Variants in INO80 observed in about 807,000 individuals in gnomAD.
The protein encoded by INO80 is INO80 complex ATPase subunit.
Under a neutral mutation model 203.4 loss-of-function variants are expected in INO80, and 20 were observed. The ratio of observed to expected loss-of-function variants is 0.10; its 90% CI spans 0.07 to 0.14. The LOEUF is 0.14. Ranked by LOEUF, INO80 falls within the 10% of genes least tolerant of loss-of-function variation. The pLI is 1.00. For missense variants in INO80, 1,419 were observed against 1,914.4 expected (o/e 0.74, Z 4.83); for synonymous variants, 726 against 685.2 (o/e 1.06, Z -0.93).
chr15:41,052,617 G>C (rs1343467104), intron 19 of INO80, among the ~76,000 whole-genome samples: 1 of 147,674 alleles, frequency 6.8e-6, no homozygotes, highest in Non-Finnish European at 1.5e-5. Context: ...AAGCTGAAGT[G>C]AGCCGTGATT....
intron 25 of INO80, among the ~76,000 whole-genome samples, chr15:41,023,781 A>C (rs1168373053): frequency 2.7e-5 from 4 of 148,452 alleles, no homozygotes; most frequent in African/African-American, 1.0e-4. Context: ...AAAAAAAAAA[A>C]AACAAAACAA....
chr15:41,106,580 A>G (rs1257286491), intron 1 of INO80, among the ~76,000 whole-genome samples: 24 of 151,860 alleles, frequency 1.6e-4, no homozygotes, highest in Non-Finnish European at 1.5e-4. Context: ...GGCTGCAGTG[A>G]GCATGCCATT....
chr15:41,087,515 C>G (rs2140644452), intron 6 of INO80, 47 bp downstream of exon 6: 1 of 1,603,552 alleles, frequency 6.2e-7, no homozygotes, highest in Non-Finnish European at 8.5e-7. Context: ...ACATGCAATT[C>G]TGAAACTAAG....
At chr15:41,079,613 G>T (rs903119048) in intron 9 of INO80, 88 bp downstream of exon 9, 2 of 1,170,616 alleles carry the variant, frequency 1.7e-6, no homozygotes, top group South Asian at 1.3e-5. Flanking sequence ...AGTGTCATTG[G>T]TTAGATGTAC....
chr15:40,982,275 T>A (rs754056196), intron 35 of INO80, among the ~76,000 whole-genome samples: 2 of 152,200 alleles, frequency 1.3e-5, no homozygotes, highest in Admixed American at 1.3e-4. Context: ...GCCTCCCAAG[T>A]AGCTGGGACT....
intron 25 of INO80, among the ~76,000 whole-genome samples, chr15:41,021,745 G>A (rs1017011157): frequency 1.3e-5 from 2 of 152,222 alleles, no homozygotes; most frequent in East Asian, 3.8e-4. Flanking sequence ...TTGCCAGAGA[G>A]TAGCAGATTT....
chr15:40,988,753 G>A (rs192886370), intron 29 of INO80, among the ~76,000 whole-genome samples: 23 of 152,284 alleles, frequency 1.5e-4, no homozygotes, highest in African/African-American at 1.9e-4. Context: ...GGTGGCTCAC[G>A]CCTGTAATCC....
intron 27 of INO80, chr15:41,012,965 G>C (rs1258387143): frequency 6.6e-6 from 1 of 152,134 alleles, no homozygotes; most frequent in Admixed American, 6.6e-5. Flanking sequence ...TCCAAAACTA[G>C]TATTTCTCAC....
At chr15:41,110,051 T>C (rs2140711584) in intron 1 of INO80, among the ~76,000 whole-genome samples, 1 of 149,988 alleles carries the variant, frequency 6.7e-6, no homozygotes, top group South Asian at 2.1e-4. Context: ...GCTGAGATCG[T>C]GCTACTGCAC....
intron 24 of INO80, among the ~76,000 whole-genome samples, chr15:41,033,777 C>T (rs930889410): frequency 1.3e-5 from 2 of 152,106 alleles, no homozygotes; most frequent in Admixed American, 6.5e-5. Context: ...TTAGGCCAGG[C>T]GCAGTGGCTC....
Position 41,058,775 on chromosome 15 carries a change from G to C in INO80, c.1849C>G (p.Leu617Val). 2 of 1,611,486 alleles carry C rather than the reference G, an allele frequency of 1.2e-6. No homozygotes were observed. The highest frequency in any genetic ancestry group is 1.7e-6 in the Non-Finnish European group (2 of 1,178,974). The change falls in exon 16 of 36, where the codon CTC becomes GTC. Residue 617 changes from leucine to valine, a missense_variant. This residue lies in a region of INO80 where 192 missense variants were observed against 406.7 expected (regional missense o/e 0.47). Transcript: ENST00000648947. ...TGGAAGGGGGCATCCTGAGTGTAGA[G>C]GGTCTTCTGTAAATATAAAAGGGGA... ...VIRRFWSQKT[L>V]YTQDAPFHVV...
intron 10 of INO80, 31 bp from the exon 11 acceptor site, chr15:41,073,526 T>C (rs1303760226): frequency 6.6e-7 from 1 of 1,526,098 alleles, no homozygotes; most frequent in Non-Finnish European, 9.1e-7. Flanking sequence ...ATTATCACAC[T>C]TTATCAACTG....
chr15:41,023,449 C>T (rs1234878946), intron 25 of INO80: 7 of 405,984 alleles, frequency 1.7e-5, no homozygotes, highest in Non-Finnish European at 3.4e-5. Context: ...CATGCATACT[C>T]TTAGATAAGT....
At chr15:41,070,268 T>C (rs1437045058) in intron 13 of INO80, among the ~76,000 whole-genome samples, 199 bp downstream of exon 13, 2 of 152,232 alleles carry the variant, frequency 1.3e-5, no homozygotes, top group Non-Finnish European at 1.5e-5. Context: ...CAAAATCACA[T>C]GCTCAAAAAT....
chr15:40,986,577 G>GC (rs1217625156), intron 31 of INO80, among the ~76,000 whole-genome samples: 4 of 151,734 alleles, frequency 2.6e-5, no homozygotes, highest in Non-Finnish European at 4.4e-5. Flanking sequence ...ACCTGCCTCG[G>GC]CCTCCCAAAG....
At chr15:41,007,940 G>A (rs372274863) in intron 27 of INO80, among the ~76,000 whole-genome samples, 5 of 152,152 alleles carry the variant, frequency 3.3e-5, no homozygotes, top group Admixed American at 6.5e-5. Context: ...GTGGAAGGTC[G>A]AGGTGGGTGG....
chr15:40,980,102 T>C lies in INO80; in HGVS notation c.*121A>G. ...ATCCACCTGCCTGTCCTTCCCCTGC[T>C]GGACATTTCCACTTCTGACTCAGGA... On this transcript the variant is annotated 3_prime_UTR_variant, in exon 36 of 36. Transcript: ENST00000648947. The C allele has an allele frequency of 1.2e-6, 1 of 819,892 alleles. No homozygotes were observed. The highest frequency in any genetic ancestry group is 2.1e-6 in the Non-Finnish European group (1 of 485,238). 50.8% of individuals were successfully genotyped at this position (819,892 alleles called of 1,614,324 possible).
At chr15:41,100,085 T>C (rs954183706) in intron 1 of INO80, among the ~76,000 whole-genome samples, 6 of 152,142 alleles carry the variant, frequency 3.9e-5, no homozygotes, top group African/African-American at 1.2e-4. Context: ...ATATTTTCTT[T>C]TCTTTTTTTT....
At chr15:41,102,401 C>T (rs2045822757) in intron 1 of INO80, among the ~76,000 whole-genome samples, 1 of 152,172 alleles carries the variant, frequency 6.6e-6, no homozygotes, top group Non-Finnish European at 1.5e-5. Flanking sequence ...GGCGCAGTGG[C>T]TCATGCCTGT....
Sources: allele counts gnomAD v4.1 joint callset (sites outside exome capture counted in the v4.1 genomes callset), GRCh38; gene constraint gnomAD v4.1.1; regional missense constraint gnomAD v4.1.1; transcripts MANE v1.5; gene names NCBI Gene and HGNC (gene_info 2026-07-23, HGNC 2026-07-21).